The following NAV2 variants were observed in gnomAD, a reference collection of about 807,000 sequenced individuals.
NAV2 encodes the protein helicase, APC down-regulated 1.
In NAV2, 54 loss-of-function variants were observed where a neutral mutation model predicts 223.2. The ratio of observed to expected loss-of-function variants is 0.24; its 90% CI spans 0.19 to 0.30. NAV2 has a LOEUF of 0.30. NAV2 is among the 10% of genes least tolerant of loss of function. The pLI, the probability that NAV2 is intolerant of heterozygous loss-of-function variation, is 1.00. For synonymous variants in NAV2, 1,279 were observed against 1,239.3 expected, an observed-to-expected ratio of 1.03 and a Z score of -0.67; for missense variants, 2,806 against 3,147.5, an observed-to-expected ratio of 0.89 and a Z score of 2.60.
intron 1 of NAV2, among the ~76,000 whole-genome samples, chr11:19,551,678 T>C (rs1423565515): frequency 6.6e-6 from 1 of 152,198 alleles, no homozygotes; most frequent in Non-Finnish European, 1.5e-5. Flanking sequence ...TGTGAAGAAA[T>C]AGTCTGTGAA....
intron 1 of NAV2, among the ~76,000 whole-genome samples, chr11:19,461,815 T>C (rs1213059833): frequency 6.6e-6 from 1 of 152,202 alleles, no homozygotes; most frequent in Non-Finnish European, 1.5e-5. Flanking sequence ...TATATCTCGG[T>C]TATGAACAGA....
At chr11:20,001,879 C>A (rs765307543) in intron 11 of NAV2, among the ~76,000 whole-genome samples, 2 of 152,048 alleles carry the variant, frequency 1.3e-5, no homozygotes, top group Non-Finnish European at 2.9e-5. Flanking sequence ...GGGCAAGCCT[C>A]CCTGAGATGA....
intron 1 of NAV2, among the ~76,000 whole-genome samples, chr11:19,643,135 C>A (rs1317884671): frequency 6.6e-6 from 1 of 152,044 alleles, no homozygotes; most frequent in Non-Finnish European, 1.5e-5. Flanking sequence ...TATATACATG[C>A]CACAGGATGG....
At chr11:20,020,781 A>C (rs542641531) in intron 11 of NAV2, among the ~76,000 whole-genome samples, 1 of 152,178 alleles carries the variant, frequency 6.6e-6, no homozygotes, top group Non-Finnish European at 1.5e-5. Flanking sequence ...CCCTCAGAGT[A>C]AAAGACAAGC....
chr11:19,959,453 A>G (rs1416088793), intron 10 of NAV2, among the ~76,000 whole-genome samples: 2 of 152,214 alleles, frequency 1.3e-5, no homozygotes, highest in Non-Finnish European at 2.9e-5. Context: ...GTAAGTTCTC[A>G]CTTTCACATT....
At chr11:19,564,095 C>T (rs576373528) in intron 1 of NAV2, among the ~76,000 whole-genome samples, 1 of 152,208 alleles carries the variant, frequency 6.6e-6, no homozygotes, top group African/African-American at 2.4e-5. Flanking sequence ...CACCTGAACC[C>T]CCGACCCCTA....
intron 22 of NAV2, among the ~76,000 whole-genome samples, chr11:20,073,232 T>A (rs9736705): frequency 0.32 from 49,279 of 151,772 alleles, 8,685 homozygotes; most frequent in African/African-American, 0.47. Context: ...TGTGATGGAT[T>A]ACATTTATTG....
At chr11:19,693,505 C>A (rs1288187682) in intron 1 of NAV2, among the ~76,000 whole-genome samples, 1 of 152,148 alleles carries the variant, frequency 6.6e-6, no homozygotes, top group Non-Finnish European at 1.5e-5. Context: ...AAGAGGCCAC[C>A]AAAGTCATCT....
chr11:19,933,581 G>A lies in NAV2; in HGVS notation c.1337G>A (p.Ser446Asn). The A allele has an allele frequency of 1.9e-6, 3 of 1,611,840 alleles. No individual in the cohort carries two copies. The highest frequency in any genetic ancestry group is 2.5e-6 in the Non-Finnish European group (3 of 1,178,348). Residue 446 changes from serine to asparagine, a missense_variant, in exon 7 of 38, where the codon AGT becomes AAT. Physicochemically the swap from Ser to Asn is conservative, Grantham distance 46. Coordinates refer to ENST00000349880, the MANE Select transcript of NAV2 (RefSeq NM_145117.5). This position sits in a 1 kb window ranked among gnomAD's most constrained non-coding sequence, Gnocchi z 4.3. ...GAGAGCGAGGAGCTGGAGGCCGCCA[G>A]TCGCATGCTCACCACCGTGGGCCCT... ...FEESEELEAA[S>N]RMLTTVGPAS...
intron 6 of NAV2, among the ~76,000 whole-genome samples, chr11:19,923,833 A>G (rs1388129343): frequency 1.3e-5 from 2 of 152,238 alleles, no homozygotes; most frequent in Admixed American, 6.5e-5. Flanking sequence ...TACAAGATAG[A>G]GAAATTGCTG....
intron 1 of NAV2, among the ~76,000 whole-genome samples, chr11:19,653,485 A>G (rs1202367356): frequency 6.6e-6 from 1 of 152,206 alleles, no homozygotes; most frequent in Non-Finnish European, 1.5e-5. Context: ...AGTTGCTAAT[A>G]CTATTCCCAT....
In NAV2 at chr11:19,957,707, T is replaced by G. The variant is rs145569901; in HGVS notation, c.2645+8627T>G. 5.1e-3 allele frequency among the ~76,000 whole-genome samples: 781 copies of G among 152,292 alleles called. 6 individuals are homozygous for G. Among genetic ancestry groups the G allele is most frequent in the Non-Finnish European group, 5.5e-3 (372 of 68,022 alleles). Reference sequence around the variant, plus strand: ...GCTAGCCCACTGGAGGAGGAGAAATTCTCCAGCACTCCCATGCGCACTCTG... The same window carrying G: ...GCTAGCCCACTGGAGGAGGAGAAATGCTCCAGCACTCCCATGCGCACTCTG... On this transcript the variant is annotated intron_variant, in intron 10 of 37. Transcript: ENST00000349880.
chr11:19,557,760 AG>A (rs2044949263), intron 1 of NAV2, among the ~76,000 whole-genome samples: 1 of 152,214 alleles, frequency 6.6e-6, no homozygotes, highest in Admixed American at 6.5e-5. Flanking sequence ...TGAGAAGCAT[AG>A]GGTGGGATCA....
intron 1 of NAV2, among the ~76,000 whole-genome samples, chr11:19,724,498 C>T (rs1229836897): frequency 2.0e-5 from 3 of 152,178 alleles, no homozygotes; most frequent in Non-Finnish European, 2.9e-5. Context: ...CAGGTGTGAG[C>T]CACCACACCT....
upstream of NAV2, among the ~76,000 whole-genome samples, chr11:19,349,318 A>G (rs1400197014): frequency 6.6e-6 from 1 of 152,160 alleles, no homozygotes; most frequent in Non-Finnish European, 1.5e-5. Context: ...AGCATCTGCT[A>G]GTCCTTCTCC....
chr11:19,349,019 G>C (rs773033751), upstream of NAV2, among the ~76,000 whole-genome samples: 1 of 152,224 alleles, frequency 6.6e-6, no homozygotes, highest in Non-Finnish European at 1.5e-5. Flanking sequence ...GGAGATAGTG[G>C]TGGTGAGCAA....
At position 19,984,124 on chromosome 11, in the gene NAV2, G is replaced by A; in HGVS notation, c.2646-1G>A. On this transcript the variant is annotated splice_acceptor_variant, in intron 10 of 37. Coordinates refer to ENST00000349880, the MANE Select transcript of NAV2 (RefSeq NM_145117.5). LOFTEE classifies it high-confidence loss of function. Reference sequence around the variant, plus strand: ...TGCATCATCTTCTTCTCCTTTTAAAGATACATGACTGATGGTGGACTTGGC... The same window carrying A: ...TGCATCATCTTCTTCTCCTTTTAAAAATACATGACTGATGGTGGACTTGGC... 1 of 1,614,142 alleles carries A rather than the reference G, an allele frequency of 6.2e-7. No individual in the cohort carries two copies. The highest frequency in any genetic ancestry group is 8.5e-7 in the Non-Finnish European group (1 of 1,179,990).
chr11:19,626,688 T>C (rs2047181570), intron 1 of NAV2, among the ~76,000 whole-genome samples: 1 of 152,256 alleles, frequency 6.6e-6, no homozygotes, highest in Non-Finnish European at 1.5e-5. Flanking sequence ...GTTGTTTGCA[T>C]CTTCTTAAAT....
At chr11:19,905,926 C>T (rs941767504) in intron 6 of NAV2, among the ~76,000 whole-genome samples, 6 of 152,128 alleles carry the variant, frequency 3.9e-5, no homozygotes, top group Non-Finnish European at 5.9e-5. Flanking sequence ...GACCCTCTCA[C>T]CTTGATAAGT....
Sources: allele counts gnomAD v4.1 joint callset (sites outside exome capture counted in the v4.1 genomes callset), GRCh38; gene constraint gnomAD v4.1.1; non-coding constraint Gnocchi (gnomAD v3.1); transcripts MANE v1.5; gene names NCBI Gene and HGNC (gene_info 2026-07-23, HGNC 2026-07-21).